TMC7: variants seen among roughly 807,000 people sequenced by gnomAD.
TMC7 encodes transmembrane channel-like protein 7.
TMC7 carries 54 observed loss-of-function variants against 82.9 expected under a neutral mutation model. The observed-to-expected ratio is 0.65, with a 90% CI of 0.52 to 0.82. TMC7 has a LOEUF of 0.82. Ranked by LOEUF, TMC7 falls within the 40% of genes least tolerant of loss-of-function variation. The pLI is 0.00. For synonymous variants in TMC7, 350 were observed against 337.9 expected (o/e 1.04, Z -0.39); for missense variants, 820 against 901.2 (o/e 0.91, Z 1.15).
Position 18,983,948 on chromosome 16 carries a change from G to A in TMC7, c.-116G>A. The A allele has an allele frequency of 8.6e-7, 1 of 1,157,458 alleles. No individual in the cohort carries two copies. The highest frequency in any genetic ancestry group is 1.1e-6 in the Non-Finnish European group (1 of 889,626). 71.7% of individuals were successfully genotyped at this position (1,157,458 alleles called of 1,614,324 possible). On this transcript the variant is annotated 5_prime_UTR_variant, in exon 1 of 16. Transcript: ENST00000304381. ...GGGGGCGCCCCACTCCGGCTTCTGT[G>A]ATGTCAGCGCCGGAACCTGGAATCC...
chr16:19,009,323 C>T lies in TMC7; in HGVS notation c.219C>T (p.Tyr73=). 6.2e-7 allele frequency: 1 copy of T among 1,614,236 alleles called. No individual in the cohort carries two copies. Among genetic ancestry groups the T allele is most frequent in the Non-Finnish European group, 8.5e-7 (1 of 1,180,052 alleles). The change falls in exon 2 of 16, where the codon TAC becomes TAT. Residue 73 remains tyrosine, a synonymous_variant. Transcript: ENST00000304381. ...SGTLLKPTDS[Y]SSQLEDRIAE... ...CTTTGCTAAAGCCAACCGACTCTTA[C>T]AGCTCCCAGCTGGAGGACAGAATCG...
chr16:19,063,563 T>G lies in TMC7; in HGVS notation c.*1720T>G, dbSNP rs1962093892. On this transcript the variant is annotated 3_prime_UTR_variant, in exon 16 of 16. Transcript: ENST00000304381. ...GGAGACCCTATCTCAAAAAAAAAGA[T>G]AGGTGAAAAGAAAAAAAAAGTTGTA... 6.6e-6 allele frequency: 1 copy of G among 151,552 alleles called. No homozygotes were observed. Among genetic ancestry groups the G allele is most frequent in the Non-Finnish European group, 1.5e-5 (1 of 67,870 alleles). The allele number at this position is 151,552 out of a possible 1,614,324, so 9.4% of individuals were successfully genotyped here. A position where few individuals can be genotyped will look rare whatever the true frequency, so the allele number is the denominator to read the frequency against.
rs1960717085 is a variant in TMC7 at position 19,035,754 on chromosome 16, C to A, written c.936C>A (p.Gly312=). ...FQSYCNKIFA[G]WDFCITNRSM... ...GTTACTGCAACAAGATATTTGCCGG[C>A]TGGGACTTCTGCATCACTAACCGCA... The change falls in exon 7 of 16, where the codon GGC becomes GGA. Residue 312 remains glycine (G), a synonymous_variant. Transcript: ENST00000304381. 1 of 1,613,362 alleles carries A rather than the reference C, an allele frequency of 6.2e-7. No individual in the cohort carries two copies. Among genetic ancestry groups the A allele is most frequent in the African/African-American group, 1.3e-5 (1 of 74,870 alleles).
In TMC7 at chr16:19,062,106, T is replaced by C. The variant is rs970850164; in HGVS notation, c.*263T>C. ...AACTCTACCAAAAACCAACAAGCCA[T>C]TCAAGCTTTTACAAGAATGAAAGAG... On this transcript the variant is annotated 3_prime_UTR_variant, in exon 16 of 16. Coordinates refer to ENST00000304381, the MANE Select transcript of TMC7 (RefSeq NM_024847.4). The C allele has an allele frequency of 4.6e-5, 18 of 393,706 alleles. No individual in the cohort carries two copies. The highest frequency in any genetic ancestry group is 6.3e-5 in the Non-Finnish European group (14 of 221,660). 24.4% of individuals were successfully genotyped at this position (393,706 alleles called of 1,614,324 possible).
chr16:19,052,330 G>A (rs1961577259), intron 13 of TMC7, among the ~76,000 whole-genome samples: 1 of 152,110 alleles, frequency 6.6e-6, no homozygotes, highest in African/African-American at 2.4e-5. Context: ...GATACTACAG[G>A]TGTGCACCAC....
intron 7 of TMC7, among the ~76,000 whole-genome samples, chr16:19,037,561 C>T (rs1022653051): frequency 6.6e-6 from 1 of 151,070 alleles, no homozygotes; most frequent in African/African-American, 2.4e-5. Context: ...GACTCGAACT[C>T]CCGGGCTCAA....
intron 5 of TMC7, among the ~76,000 whole-genome samples, chr16:19,023,414 C>G (rs1960076258): frequency 6.6e-6 from 1 of 152,070 alleles, no homozygotes; most frequent in Non-Finnish European, 1.5e-5. Flanking sequence ...TCACTTTCGG[C>G]CATTGGCCTT....
chr16:18,994,039 A>G (rs2038995891), intron 1 of TMC7, among the ~76,000 whole-genome samples: 1 of 152,102 alleles, frequency 6.6e-6, no homozygotes, highest in Non-Finnish European at 1.5e-5. Flanking sequence ...TGTCGGGTGG[A>G]TCAGAGAGAT....
chr16:19,023,241 A>C, intron 5 of TMC7, 46 bp downstream of exon 5: 1 of 1,288,632 alleles, frequency 7.8e-7, no homozygotes, highest in Non-Finnish European at 1.1e-6. Flanking sequence ...AATCTACTAA[A>C]AATTGATTGA....
chr16:19,027,060 C>CCT (rs1960268866), intron 5 of TMC7, among the ~76,000 whole-genome samples: 1 of 44,228 alleles, frequency 2.3e-5, no homozygotes, highest in Non-Finnish European at 5.5e-5. Context: ...CCACACCTGA[C>CCT]CTTTTTTTTT....
chr16:18,999,222 A>G (rs1361825547), intron 1 of TMC7, among the ~76,000 whole-genome samples: 2 of 151,314 alleles, frequency 1.3e-5, no homozygotes, highest in Non-Finnish European at 2.9e-5. Flanking sequence ...TTGGTCTTGA[A>G]CTCCTGGGTT....
chr16:19,009,109 A>G (rs964113545), intron 1 of TMC7, 63 bp from the exon 2 acceptor site: 1 of 1,565,692 alleles, frequency 6.4e-7, no homozygotes, highest in African/African-American at 1.4e-5. Context: ...TCCAAGATCC[A>G]AGTTTCCTGC....
chr16:19,051,383 C>T (rs992003703), intron 12 of TMC7, among the ~76,000 whole-genome samples: 1 of 151,260 alleles, frequency 6.6e-6, no homozygotes, highest in African/African-American at 2.4e-5. Flanking sequence ...GGTATGTCTC[C>T]TAATGCTATC....
At chr16:19,022,825 T>G (rs1254129955) in intron 4 of TMC7, among the ~76,000 whole-genome samples, 1 of 152,110 alleles carries the variant, frequency 6.6e-6, no homozygotes, top group Non-Finnish European at 1.5e-5. Context: ...GGTCAGGAGT[T>G]CAAGACCAGC....
rs1021208942 is a variant in TMC7, at chr16:19,038,785, T to C, written c.1179+738T>C. Among the ~76,000 whole-genome samples the C allele has an allele frequency of 3.9e-5, 6 of 152,198 alleles. 1 individual carries two copies. In the South Asian group the frequency reaches 1.2e-3, roughly 31 times the overall value. ...CACCCACCTTGGCCTCCCAAAGTGC[T>C]GGGATTGCAGGTGTTAGCCACCGCA... On this transcript the variant is annotated intron_variant, in intron 8 of 15. Transcript: ENST00000304381.
At chr16:19,044,528 C>G (rs12597765) in intron 9 of TMC7, among the ~76,000 whole-genome samples, 132,226 of 151,754 alleles carry the variant, frequency 0.87, 59,330 homozygotes, top group Non-Finnish European at 0.97. Context: ...GGCTGGGCAC[C>G]GTGGCTCACA....
chr16:18,983,965 C>A lies in TMC7; in HGVS notation c.-99C>A, dbSNP rs946234433. 2.4e-6 allele frequency: 3 copies of A among 1,271,774 alleles called. No homozygotes were observed. The highest frequency in any genetic ancestry group is 3.0e-6 in the Non-Finnish European group (3 of 991,938). 78.8% of individuals were successfully genotyped at this position (1,271,774 alleles called of 1,614,324 possible). On this transcript the variant is annotated 5_prime_UTR_variant, in exon 1 of 16. The change creates a new upstream start codon in the 5' untranslated region. Transcript: ENST00000304381. ...GCTTCTGTGATGTCAGCGCCGGAAC[C>A]TGGAATCCCGGCTCCGCGAGGGAAG...
chr16:19,058,057 G>A (rs564588455), intron 14 of TMC7, among the ~76,000 whole-genome samples: 1 of 151,508 alleles, frequency 6.6e-6, no homozygotes, highest in Admixed American at 6.7e-5. Flanking sequence ...CCAGGCACCA[G>A]GCACCTTCTA....
At chr16:19,047,346 G>A (rs1056124869) in intron 12 of TMC7, 97 bp downstream of exon 12, 29 of 1,012,590 alleles carry the variant, frequency 2.9e-5, no homozygotes, top group Middle Eastern at 3.2e-4. Flanking sequence ...CCCATGAGAC[G>A]TATCAAAATT....
Sources: gnomAD v4.1 joint callset for allele counts (sites outside exome capture counted in the v4.1 genomes callset) on GRCh38, gnomAD v4.1.1 for gene constraint, MANE v1.5 for transcripts, NCBI Gene and HGNC (gene_info 2026-07-23, HGNC 2026-07-21) for gene names.